Variants in ALS2CL observed in about 807,000 individuals in gnomAD.
The protein encoded by ALS2CL is ALS2 C-terminal like, also known as ALS2 C-terminal-like protein.
In ALS2CL, 112 loss-of-function variants were observed where a neutral mutation model predicts 127.9. The observed-to-expected ratio is 0.88, with a 90% CI of 0.75 to 1.02. The LOEUF (loss-of-function observed/expected upper bound fraction) is 1.02. ALS2CL is among the 50% of genes least tolerant of loss of function. ALS2CL has a pLI of 0.00. For synonymous variants in ALS2CL, 519 were observed against 527.6 expected (o/e 0.98, Z 0.22); for missense variants, 1,174 against 1,236.7 (o/e 0.95, Z 0.76).
chr3:46,671,777 A>G (rs375136247), intron 24 of ALS2CL, 107 bp downstream of exon 24: 134 of 1,545,838 alleles, frequency 8.7e-5, no homozygotes, highest in Middle Eastern at 6.8e-4. Flanking sequence ...ATCTGTACAG[A>G]GAGAAGCTGC....
chr3:46,674,673 C>A lies in ALS2CL; in HGVS notation c.2322G>T (p.Thr774=). The change falls in exon 21 of 26, where the codon ACG becomes ACT. Residue 774 remains threonine (T), a synonymous_variant. Coordinates refer to ENST00000318962, the MANE Select transcript of ALS2CL (RefSeq NM_147129.5). ...CCCGCTCATGAAGCAGCAGGTAGAG[C>A]GTGAAGAGCTCTGAGTAGAAGCTGG... The part of the protein sequence containing the change: ...MLPSFYSELF[T]LYLLLHERED... 1 of 1,614,084 alleles carries A rather than the reference C, an allele frequency of 6.2e-7. No individual in the cohort carries two copies.
chr3:46,672,198 AC>A lies in ALS2CL; in HGVS notation c.2475del (p.Arg825SerfsTer21). The A allele has an allele frequency of 6.2e-7, 1 of 1,613,846 alleles. No individual in the cohort carries two copies. The highest frequency in any genetic ancestry group is 8.5e-7 in the Non-Finnish European group (1 of 1,179,964). Reference protein sequence around the residue: ...LKDLTLTSNQRYSLVRDKCFL... With the variant: ...LKDLTLTSNQXYSLVRDKCFL... ...AAACACTTGTCCCTGACCAGGGAGTACCTCTGCATGGTGGAGGGAGTGGGCT... is the reference window on the plus strand; with the variant it reads ...AAACACTTGTCCCTGACCAGGGAGTACTCTGCATGGTGGAGGGAGTGGGCT... On this transcript the variant is annotated frameshift_variant and splice_region_variant, in exon 23 of 26. Coordinates refer to ENST00000318962, the MANE Select transcript of ALS2CL (RefSeq NM_147129.5). LOFTEE classifies it high-confidence loss of function.
In ALS2CL at chr3:46,681,428, C is replaced by T. The variant is rs746923058; in HGVS notation, c.1275-21G>A. The T allele has an allele frequency of 1.4e-5, 23 of 1,606,388 alleles. No individual in the cohort carries two copies. Among genetic ancestry groups the T allele is most frequent in the East Asian group, 1.3e-4 (6 of 44,680 alleles). On this transcript the variant is annotated intron_variant, in intron 12 of 25. Coordinates refer to ENST00000318962, the MANE Select transcript of ALS2CL (RefSeq NM_147129.5). This position sits in a 1 kb window ranked among gnomAD's most constrained non-coding sequence, Gnocchi z 4.9. ...TGTACCTGGGGAGGGCCATCAACAA[C>T]GAGCTCTGCCTCATGGAGCTCAGCC...
Position 46,681,040 on chromosome 3 carries a change from G to A in ALS2CL, c.1436+206C>T. 1 of 766,800 alleles carries A rather than the reference G, an allele frequency of 1.3e-6. No homozygotes were observed. Among genetic ancestry groups the A allele is most frequent in the Non-Finnish European group, 2.2e-6 (1 of 454,922 alleles). The allele number at this position is 766,800 out of a possible 1,614,324, so 47.5% of individuals were successfully genotyped here. A position where few individuals can be genotyped will look rare whatever the true frequency, so the allele number is the denominator to read the frequency against. On this transcript the variant is annotated intron_variant, in intron 13 of 25. Coordinates refer to ENST00000318962, the MANE Select transcript of ALS2CL (RefSeq NM_147129.5). This position sits in a 1 kb window ranked among gnomAD's most constrained non-coding sequence, Gnocchi z 4.9. The stretch of plus-strand genomic sequence containing the variant: ...TGCCTCTCCAACACCATGAGGAGGG[G>A]TGAGGGGCGGGGGCGACCCTGCAGT...
intron 22 of ALS2CL, 110 bp downstream of exon 22, chr3:46,673,229 C>A: frequency 1.1e-6 from 1 of 925,110 alleles, no homozygotes; most frequent in Non-Finnish European, 1.6e-6. Flanking sequence ...CCACCCTGCC[C>A]CTCCCCAGCT....
At chr3:46,682,548 T>G (rs754855220) in intron 10 of ALS2CL, among the ~76,000 whole-genome samples, 1 of 152,180 alleles carries the variant, frequency 6.6e-6, no homozygotes, top group East Asian at 1.9e-4. Context: ...AGTGTAGCCT[T>G]GTGAGTCCCT....
At chr3:46,685,205 T>G (rs1024621657) in intron 7 of ALS2CL, among the ~76,000 whole-genome samples, 2 of 152,196 alleles carry the variant, frequency 1.3e-5, no homozygotes, top group Non-Finnish European at 2.9e-5. Context: ...AGTTGTCTGG[T>G]GTCTACTGTA....
At chr3:46,678,764 C>T (rs1699084291) in intron 15 of ALS2CL, among the ~76,000 whole-genome samples, 1 of 152,216 alleles carries the variant, frequency 6.6e-6, no homozygotes, top group Admixed American at 6.5e-5. Flanking sequence ...CCATTCATAG[C>T]AACCTGATCT....
rs200941139 is a variant in ALS2CL, at chr3:46,676,960, C to T, written c.1820G>A (p.Arg607Gln). The stretch of plus-strand genomic sequence containing the variant: ...GGGGCAGCCAGCACACACAAAGTCC[C>T]GGAAGGGGCTGTAGACTCCCTGCCA... ...SRWQGVYSPF[R>Q]DFVCAGCPRD... The change falls in exon 17 of 26, where the codon CGG becomes CAG. Residue 607 changes from arginine (R) to glutamine (Q), a missense_variant. Physicochemically the swap from Arg to Gln is conservative, Grantham distance 43. Coordinates refer to ENST00000318962, the MANE Select transcript of ALS2CL (RefSeq NM_147129.5). 1.2e-5 allele frequency: 19 copies of T among 1,613,504 alleles called. No individual in the cohort carries two copies. The highest frequency in any genetic ancestry group is 4.5e-5 in the East Asian group (2 of 44,874).
intron 20 of ALS2CL, chr3:46,675,190 G>A (rs902466915): frequency 1.4e-5 from 3 of 210,504 alleles, no homozygotes; most frequent in Admixed American, 5.3e-5. Flanking sequence ...ACACTTTCAG[G>A]TCTAGAATCT....
At position 46,681,949 on chromosome 3, in the gene ALS2CL, G is replaced by C. The variant is rs1226482810; in HGVS notation, c.1175+80C>G. 16 of 1,490,624 alleles carry C rather than the reference G, an allele frequency of 1.1e-5. No individual in the cohort carries two copies. The Admixed American group carries it at 2.5e-4, about 23-fold the overall frequency. 92.3% of individuals were successfully genotyped at this position (1,490,624 alleles called of 1,614,324 possible). On this transcript the variant is annotated intron_variant, in intron 11 of 25. Coordinates refer to ENST00000318962, the MANE Select transcript of ALS2CL (RefSeq NM_147129.5). The surrounding 1 kb of genome is among the most constrained non-coding windows in gnomAD (Gnocchi z 4.9). ...AGGTTTGGGAATTCAGGATGGGGCC[G>C]GGCTGGTGACCACAGCAGGGGAGGA...
intron 21 of ALS2CL, among the ~76,000 whole-genome samples, chr3:46,674,274 TG>T (rs1349448398): frequency 6.6e-6 from 1 of 152,118 alleles, no homozygotes. Flanking sequence ...TGGAAGGCAA[TG>T]CCAGCTCCTG....
rs6795714 is a variant in ALS2CL, at chr3:46,681,899, C to T, written c.1175+130G>A. ...TTGGTACAGTGGGCGGGGGCTGGAC[C>T]GGATTGTCTCTAAGTTCCTGCTTGA... On this transcript the variant is annotated intron_variant, in intron 11 of 25. Coordinates refer to ENST00000318962, the MANE Select transcript of ALS2CL (RefSeq NM_147129.5). This position sits in a 1 kb window ranked among gnomAD's most constrained non-coding sequence, Gnocchi z 4.9. 71,097 of 1,191,636 alleles carry T rather than the reference C, an allele frequency of 0.06. 2,850 individuals are homozygous for T. Among genetic ancestry groups the T allele is most frequent in the South Asian group, 0.14 (9,582 of 69,266 alleles). The allele number at this position is 1,191,636 out of a possible 1,614,324, so 73.8% of individuals were successfully genotyped here. A position where few individuals can be genotyped will look rare whatever the true frequency, so the allele number is the denominator to read the frequency against.
At position 46,681,479 on chromosome 3, in the gene ALS2CL, C is replaced by G; in HGVS notation, c.1274+21G>C. 3.1e-6 allele frequency: 5 copies of G among 1,613,992 alleles called. No homozygotes were observed. Among genetic ancestry groups the G allele is most frequent in the Non-Finnish European group, 4.2e-6 (5 of 1,179,892 alleles). On this transcript the variant is annotated intron_variant, in intron 12 of 25. Coordinates refer to ENST00000318962, the MANE Select transcript of ALS2CL (RefSeq NM_147129.5). The surrounding 1 kb of genome is among the most constrained non-coding windows in gnomAD (Gnocchi z 4.9). Reference sequence around the variant, plus strand: ...CAGAGGATGGGCCCAGCCCATGAACCCCCCAGCCAGGGTCACTTACTCACA... The same window carrying G: ...CAGAGGATGGGCCCAGCCCATGAACGCCCCAGCCAGGGTCACTTACTCACA...
At chr3:46,677,504 G>T in intron 16 of ALS2CL, 1 of 667,282 alleles carries the variant, frequency 1.5e-6, no homozygotes, top group Non-Finnish European at 1.9e-6. Flanking sequence ...GCTACACGCA[G>T]CCCACACTCA....
rs766332483 is a variant in ALS2CL, at chr3:46,676,870, T to A, written c.1910A>T (p.Gln637Leu). Residue 637 changes from glutamine to leucine, a missense_variant, in exon 17 of 26, where the codon CAG (glutamine) becomes CTG (leucine). Physicochemically the swap from Gln to Leu is moderately radical, Grantham distance 113. Coordinates refer to ENST00000318962, the MANE Select transcript of ALS2CL (RefSeq NM_147129.5). ...VQSSRELRRS[Q>L]DYLSCERTHP... is the part of the protein sequence containing the mutation. ...TCACCTCTCGCAGGACAGGTAATCC[T>A]GAGACCTACGCAGCTCCCTGGAGCT... 3 of 1,543,794 alleles carry A rather than the reference T, an allele frequency of 1.9e-6. No individual in the cohort carries two copies. In the South Asian group the frequency reaches 3.3e-5, roughly 17 times the overall value.
Position 46,676,684 on chromosome 3 carries a change from C to T in ALS2CL, c.1986G>A (p.Leu662=). 1 of 1,613,646 alleles carries T rather than the reference C, an allele frequency of 6.2e-7. No individual in the cohort carries two copies. Among genetic ancestry groups the T allele is most frequent in the Non-Finnish European group, 8.5e-7 (1 of 1,179,950 alleles). The change falls in exon 18 of 26, where the codon CTG becomes CTA. Residue 662 remains leucine (L), a synonymous_variant. Transcript: ENST00000318962. ...GCAGGGCCTTGGGCTCCCGGTGCTG[C>T]AGCAGCTCCTCCAGGATGTCTTCCA... ...GSMEDILEEL[L]QHREPKALQL... is the part of the protein sequence containing the mutation.
Position 46,670,879 on chromosome 3 carries a change from TC to T in ALS2CL, c.*104del. On this transcript the variant is annotated 3_prime_UTR_variant, in exon 26 of 26. Transcript: ENST00000318962. The surrounding 1 kb of genome is among the most constrained non-coding windows in gnomAD (Gnocchi z 5.5). Reference sequence around the variant, plus strand: ...TGTGCAAAACAAAATGCTCATCTCCTCCAAGAGCTGCTTCTGAGGGCCTGTC... The same window carrying T: ...TGTGCAAAACAAAATGCTCATCTCCTCAAGAGCTGCTTCTGAGGGCCTGTC... 3 of 1,220,408 alleles carry T rather than the reference TC, an allele frequency of 2.5e-6. No homozygotes were observed. The highest frequency in any genetic ancestry group is 3.6e-6 in the Non-Finnish European group (3 of 836,524). The allele number at this position is 1,220,408 out of a possible 1,614,324, so 75.6% of individuals were successfully genotyped here.
At chr3:46,675,047 C>A in intron 20 of ALS2CL, 1 of 290,464 alleles carries the variant, frequency 3.4e-6, no homozygotes. Context: ...CTCTCAGCAG[C>A]CATTCCAGGC....
Sources: allele counts gnomAD v4.1 joint callset (sites outside exome capture counted in the v4.1 genomes callset), GRCh38; gene constraint gnomAD v4.1.1; non-coding constraint Gnocchi (gnomAD v3.1); transcripts MANE v1.5; gene names NCBI Gene and HGNC (gene_info 2026-07-23, HGNC 2026-07-21).